Variants in NOL4L observed in about 807,000 individuals in gnomAD.
NOL4L encodes nucleolar protein 4-like.
NOL4L carries 7 observed loss-of-function variants against 64.5 expected under a neutral mutation model. The observed-to-expected ratio is 0.11, with a 90% CI of 0.06 to 0.20. The LOEUF (loss-of-function observed/expected upper bound fraction) is 0.20, where lower values mean the gene tolerates loss of function less well. Ranked by LOEUF, NOL4L falls within the 10% of genes least tolerant of loss-of-function variation. The pLI, the probability that NOL4L is intolerant of heterozygous loss-of-function variation, is 1.00. For missense variants in NOL4L, 680 were observed against 967.1 expected (o/e 0.70, Z 3.94); for synonymous variants, 413 against 401.0 (o/e 1.03, Z -0.36).
chr20:32,493,832 C>T (rs1363362180), intron 4 of NOL4L, among the ~76,000 whole-genome samples: 2 of 152,052 alleles, frequency 1.3e-5, no homozygotes, highest in East Asian at 3.9e-4. Context: ...CTGCTGCGGC[C>T]TCAGCTTGTC....
At chr20:32,483,868 AG>A (rs1034314161) in intron 4 of NOL4L, among the ~76,000 whole-genome samples, 6 of 64,660 alleles carry the variant, frequency 9.3e-5, no homozygotes, top group Non-Finnish European at 1.5e-4. Flanking sequence ...TGGGCCAGGT[AG>A]GGGGGGATAA....
At chr20:32,522,295 G>C (rs1041946963) in intron 2 of NOL4L, among the ~76,000 whole-genome samples, 1 of 152,234 alleles carries the variant, frequency 6.6e-6, no homozygotes, top group East Asian at 1.9e-4. Flanking sequence ...TGTGGAGCAG[G>C]CAGGCTCCTT....
At chr20:32,535,289 AC>A (rs922565592) in intron 1 of NOL4L, among the ~76,000 whole-genome samples, 1 of 144,780 alleles carries the variant, frequency 6.9e-6, no homozygotes, top group African/African-American at 2.6e-5. Flanking sequence ...AAAAAAAAAA[AC>A]CCTCCAAAAT....
chr20:32,472,795 A>G (rs2015114822), intron 5 of NOL4L, among the ~76,000 whole-genome samples: 1 of 152,094 alleles, frequency 6.6e-6, no homozygotes, highest in Admixed American at 6.5e-5. Context: ...GGGGACAGTG[A>G]GGCCCACGGC....
chr20:32,517,142 C>G (rs2017702114), intron 3 of NOL4L, among the ~76,000 whole-genome samples: 1 of 152,048 alleles, frequency 6.6e-6, no homozygotes, highest in Non-Finnish European at 1.5e-5. Context: ...ACGGGGCTGT[C>G]CAGGTCCCCC....
rs2012272479 is a variant in NOL4L at position 32,445,097 on chromosome 20, G to A, written c.*2499C>T. 6.6e-6 allele frequency: 1 copy of A among 152,234 alleles called. No individual in the cohort carries two copies. Among genetic ancestry groups the A allele is most frequent in the Non-Finnish European group, 1.5e-5 (1 of 68,040 alleles). The allele number at this position is 152,234 out of a possible 1,614,324, so 9.4% of individuals were successfully genotyped here. A position where few individuals can be genotyped will look rare whatever the true frequency, so the allele number is the denominator to read the frequency against. Reference sequence around the variant, plus strand: ...ACCCAAGAGGTGGGGTCGACATGATGAAATCCATTGTCCTGGAGGGGCCTG... The same window carrying A: ...ACCCAAGAGGTGGGGTCGACATGATAAAATCCATTGTCCTGGAGGGGCCTG... On this transcript the variant is annotated 3_prime_UTR_variant, in exon 11 of 11. Coordinates refer to ENST00000621426, the MANE Select transcript of NOL4L (RefSeq NM_001256798.2).
chr20:32,516,388 G>A (rs1017981660), intron 3 of NOL4L, among the ~76,000 whole-genome samples: 10 of 152,122 alleles, frequency 6.6e-5, no homozygotes, highest in African/African-American at 2.4e-4. Context: ...TGAGGAAACT[G>A]TGTGCGGTGC....
intron 4 of NOL4L, chr20:32,474,958 C>T (rs776858543): frequency 1.6e-4 from 154 of 985,216 alleles, no homozygotes; most frequent in Admixed American, 2.5e-4. Flanking sequence ...GGCTAAGGGC[C>T]GGCACTGTCT....
intron 4 of NOL4L, chr20:32,486,590 T>A (rs1428042012): frequency 2.6e-6 from 1 of 385,234 alleles, no homozygotes; most frequent in East Asian, 7.4e-5. Flanking sequence ...TTAGGACAAA[T>A]AGGATCTTAG....
Position 32,447,137 on chromosome 20 carries a change from C to A in NOL4L, c.*459G>T. 1 of 430,164 alleles carries A rather than the reference C, an allele frequency of 2.3e-6. No individual in the cohort carries two copies. The highest frequency in any genetic ancestry group is 1.7e-5 in the South Asian group (1 of 58,260). 26.6% of individuals were successfully genotyped at this position (430,164 alleles called of 1,614,324 possible). A position where few individuals can be genotyped will look rare whatever the true frequency, so the allele number is the denominator to read the frequency against. On this transcript the variant is annotated 3_prime_UTR_variant, in exon 11 of 11. Transcript: ENST00000621426. Reference sequence around the variant, plus strand: ...GACACAGACTAGCAATCTGTACAAACACAAAAGAATCCATTTTCAGAAAAA... The same window carrying A: ...GACACAGACTAGCAATCTGTACAAAAACAAAAGAATCCATTTTCAGAAAAA...
In NOL4L at chr20:32,494,892, T is replaced by C. The variant is rs141253606; in HGVS notation, c.699+16455A>G. Among the ~76,000 whole-genome samples the C allele has an allele frequency of 6.4e-3, 969 of 151,140 alleles. 20 individuals are homozygous for C. Among genetic ancestry groups the C allele is most frequent in the African/African-American group, 0.022 (881 of 40,412 alleles). On this transcript the variant is annotated intron_variant, in intron 4 of 10. Transcript: ENST00000621426. The stretch of plus-strand genomic sequence containing the variant: ...AGTAAAATAACTTCATGTTTTGCTA[T>C]AGTCAACTGGGTTTGGGGGCCTGTA...
At chr20:32,537,774 G>A (rs906578161) in intron 1 of NOL4L, among the ~76,000 whole-genome samples, 3 of 137,140 alleles carry the variant, frequency 2.2e-5, no homozygotes, top group African/African-American at 8.5e-5. Context: ...GCCACAACCC[G>A]CGTTTCTTTT....
intron 1 of NOL4L, among the ~76,000 whole-genome samples, chr20:32,574,777 G>A (rs562542293): frequency 7.0e-6 from 1 of 143,342 alleles, no homozygotes; most frequent in Non-Finnish European, 1.6e-5. Context: ...CGCTGGCCCC[G>A]AGGCCTAAGT....
rs758939545 is a variant in NOL4L, at chr20:32,452,898, A to G, written c.1606T>C (p.Tyr536His). The G allele has an allele frequency of 6.2e-7, 1 of 1,613,982 alleles. No homozygotes were observed. Among genetic ancestry groups the G allele is most frequent in the South Asian group, 1.1e-5 (1 of 91,086 alleles). Residue 536 changes from tyrosine to histidine, a missense_variant, in exon 9 of 11, where the codon TAC becomes CAC. Tyr to His is a moderately conservative substitution (Grantham distance 83). This residue lies in a region of NOL4L where 175 missense variants were observed against 227.0 expected (regional missense o/e 0.77). Coordinates refer to ENST00000621426, the MANE Select transcript of NOL4L (RefSeq NM_001256798.2). ...KAAKRMRLEIYQSSQDEPIAL... is the reference protein window; with the variant it reads ...KAAKRMRLEIHQSSQDEPIAL... ...GTGGCAGGTACCTGTGAGGACTGGTAGATCTCTAGACGCATCCGCTTGGCT... is the reference window on the plus strand; with the variant it reads ...GTGGCAGGTACCTGTGAGGACTGGTGGATCTCTAGACGCATCCGCTTGGCT...
intron 4 of NOL4L, among the ~76,000 whole-genome samples, chr20:32,493,172 A>T (rs2016534734): frequency 6.6e-6 from 1 of 152,214 alleles, no homozygotes; most frequent in African/African-American, 2.4e-5. Flanking sequence ...GCTCTCCGGC[A>T]GGTGAGGAGA....
intron 4 of NOL4L, 189 bp from the exon 5 acceptor site, chr20:32,474,931 T>G: frequency 3.0e-6 from 3 of 985,400 alleles, no homozygotes; most frequent in Non-Finnish European, 3.6e-6. Context: ...CCGGCTCTGG[T>G]TCCTGTCGGA....
chr20:32,557,882 T>C (rs140222353), intron 1 of NOL4L, among the ~76,000 whole-genome samples: 345 of 152,242 alleles, frequency 2.3e-3, no homozygotes, highest in Admixed American at 4.3e-3. Context: ...ATGGGCAACA[T>C]AGTGAAACCT....
chr20:32,525,428 T>C (rs748254856), intron 2 of NOL4L, among the ~76,000 whole-genome samples: 6 of 152,220 alleles, frequency 3.9e-5, no homozygotes, highest in Non-Finnish European at 2.9e-5. Context: ...GGCCTGGCTC[T>C]GAATGTCAGC....
At chr20:32,510,670 CAAG>C (rs1419615591) in intron 4 of NOL4L, 4 of 153,790 alleles carry the variant, frequency 2.6e-5, no homozygotes, top group African/African-American at 7.2e-5. Flanking sequence ...AAGCTGAAGG[CAAG>C]AAGTGATTAC....
Sources: allele counts gnomAD v4.1 joint callset (sites outside exome capture counted in the v4.1 genomes callset), GRCh38; gene constraint gnomAD v4.1.1; regional missense constraint gnomAD v4.1.1; transcripts MANE v1.5; gene names NCBI Gene and HGNC (gene_info 2026-07-23, HGNC 2026-07-21).